SCTR: variants seen among roughly 807,000 people sequenced by gnomAD.
SCTR encodes pancreatic secretin receptor.
A neutral mutation model predicts 60.8 loss-of-function variants in SCTR; 56 were observed. The ratio of observed to expected loss-of-function variants is 0.92; its 90% CI spans 0.74 to 1.15. The LOEUF (loss-of-function observed/expected upper bound fraction) is 1.15. SCTR is among the 50% of genes most tolerant of loss of function. SCTR has a pLI of 0.00. For missense variants in SCTR, 562 were observed against 550.4 expected (o/e 1.02, Z -0.21); for synonymous variants, 202 against 217.0 (o/e 0.93, Z 0.61).
At chr2:119,449,715 C>T (rs765652562) in intron 9 of SCTR, among the ~76,000 whole-genome samples, 30 of 152,238 alleles carry the variant, frequency 2.0e-4, no homozygotes, top group Non-Finnish European at 3.7e-4. Context: ...ATTGTTCACA[C>T]AAGCAGCCTG....
At chr2:119,448,598 G>T in intron 10 of SCTR, 91 bp downstream of exon 10, 1 of 767,482 alleles carries the variant, frequency 1.3e-6, no homozygotes, top group Non-Finnish European at 2.3e-6. Flanking sequence ...CGTTTCCTCC[G>T]TCTCCAATAG....
intron 2 of SCTR, among the ~76,000 whole-genome samples, chr2:119,491,890 TC>T (rs1408313343): frequency 7.9e-5 from 12 of 152,332 alleles, no homozygotes; most frequent in Middle Eastern, 3.4e-3. Context: ...CCCACTGCCA[TC>T]CTTCTCTTCT....
intron 2 of SCTR, among the ~76,000 whole-genome samples, chr2:119,493,374 T>C (rs1414907959): frequency 2.0e-5 from 3 of 152,234 alleles, no homozygotes; most frequent in Non-Finnish European, 4.4e-5. Context: ...TGAACATCCA[T>C]GTACAGATGT....
Position 119,458,822 on chromosome 2 carries a change from C to G in SCTR, c.790+3025G>C, listed in dbSNP as rs536594331. Among the ~76,000 whole-genome samples, 4 of 152,290 alleles carry G rather than the reference C, an allele frequency of 2.6e-5. No homozygotes were observed. The South Asian group carries it at 8.3e-4, about 32-fold the overall frequency. ...AAATGCAGTCTCGGGCCACCCCAGA[C>G]CCACTGCCTCAGAGTCTCTGGGCGG... is the stretch of plus-strand genomic sequence containing the variant. On this transcript the variant is annotated intron_variant, in intron 7 of 12. Coordinates refer to ENST00000019103, the MANE Select transcript of SCTR (RefSeq NM_002980.3).
intron 11 of SCTR, among the ~76,000 whole-genome samples, chr2:119,445,742 A>C (rs934797704): frequency 1.3e-5 from 2 of 151,940 alleles, no homozygotes; most frequent in Non-Finnish European, 2.9e-5. Flanking sequence ...CGTTAGTTTG[A>C]TTTTGTCTTA....
intron 2 of SCTR, among the ~76,000 whole-genome samples, chr2:119,482,886 G>A (rs139984255): frequency 4.2e-4 from 64 of 152,338 alleles, no homozygotes; most frequent in African/African-American, 1.3e-3. Context: ...CTGTGCGGCC[G>A]TCTCAGGGTT....
intron 11 of SCTR, among the ~76,000 whole-genome samples, chr2:119,443,806 C>T (rs950099010): frequency 7.9e-5 from 12 of 152,302 alleles, no homozygotes; most frequent in Admixed American, 2.0e-4. Context: ...CTCGGCCTCC[C>T]GAAGTGCTAG....
chr2:119,483,849 G>C (rs1455624544), intron 2 of SCTR, among the ~76,000 whole-genome samples: 3 of 152,042 alleles, frequency 2.0e-5, no homozygotes, highest in Non-Finnish European at 4.4e-5. Flanking sequence ...GAGCTGGACA[G>C]TCCCTGTGGC....
chr2:119,470,654 C>G (rs1028758380), intron 4 of SCTR, among the ~76,000 whole-genome samples: 1 of 152,152 alleles, frequency 6.6e-6, no homozygotes. Flanking sequence ...GCCCTGGGCT[C>G]CATTATTCGT....
chr2:119,507,620 A>G (rs1678782688), intron 1 of SCTR, among the ~76,000 whole-genome samples: 1 of 151,152 alleles, frequency 6.6e-6, no homozygotes, highest in South Asian at 2.1e-4. Context: ...TATGGGTGTC[A>G]TATATGAAAT....
rs1028367685 is a variant in SCTR at position 119,468,786 on chromosome 2, A to C, written c.406-2900T>G. Reference sequence around the variant, plus strand: ...AAGAGTCACATTAATAAACTGAAGCATTTCCAGAGGAGGGTGATTGTGTCA... The same window carrying C: ...AAGAGTCACATTAATAAACTGAAGCCTTTCCAGAGGAGGGTGATTGTGTCA... On this transcript the variant is annotated intron_variant, in intron 4 of 12. Transcript: ENST00000019103. 5.9e-5 allele frequency among the ~76,000 whole-genome samples: 9 copies of C among 152,196 alleles called. No individual in the cohort carries two copies. The East Asian group carries it at 1.7e-3, about 29-fold the overall frequency.
At chr2:119,465,503 G>T (rs1683794752) in intron 5 of SCTR, among the ~76,000 whole-genome samples, 1 of 152,184 alleles carries the variant, frequency 6.6e-6, no homozygotes, top group Admixed American at 6.5e-5. Context: ...TAGTACTACT[G>T]TAAAATGGGG....
chr2:119,501,266 C>T (rs1678541930), intron 1 of SCTR, among the ~76,000 whole-genome samples: 1 of 152,038 alleles, frequency 6.6e-6, no homozygotes, highest in African/African-American at 2.4e-5. Context: ...AAAAATTAGC[C>T]AGGCTTGGTG....
chr2:119,512,840 G>A (rs894682189), intron 1 of SCTR, among the ~76,000 whole-genome samples: 1 of 152,060 alleles, frequency 6.6e-6, no homozygotes, highest in Non-Finnish European at 1.5e-5. Context: ...CTAGTTTTGT[G>A]GCTCAGGCAT....
intron 3 of SCTR, among the ~76,000 whole-genome samples, chr2:119,475,150 A>G (rs572466445): frequency 1.3e-5 from 2 of 152,254 alleles, no homozygotes; most frequent in South Asian, 4.2e-4. Flanking sequence ...AGGGGCTTGG[A>G]ATCTTGGAAT....
At chr2:119,495,721 C>T (rs1355627401) in intron 1 of SCTR, among the ~76,000 whole-genome samples, 3 of 152,156 alleles carry the variant, frequency 2.0e-5, no homozygotes, top group Non-Finnish European at 2.9e-5. Context: ...AAAGGATCTA[C>T]CAGCTGCAGC....
chr2:119,484,207 C>A (rs1677762500), intron 2 of SCTR, among the ~76,000 whole-genome samples: 2 of 152,152 alleles, frequency 1.3e-5, no homozygotes, highest in South Asian at 4.1e-4. Flanking sequence ...GTCACCGCCC[C>A]AGGAGAGCCA....
At chr2:119,499,639 G>A (rs2587676) in intron 1 of SCTR, among the ~76,000 whole-genome samples, 1 of 152,046 alleles carries the variant, frequency 6.6e-6, no homozygotes, top group African/African-American at 2.4e-5. Context: ...TATTGAAAAT[G>A]AATCAATGTA....
At chr2:119,478,693 C>T (rs1445414631) in intron 3 of SCTR, 118 bp downstream of exon 3, 2 of 819,214 alleles carry the variant, frequency 2.4e-6, no homozygotes, top group Admixed American at 5.1e-5. Flanking sequence ...TCTCCCCCAT[C>T]ATTGTACCCA....
Sources: allele counts gnomAD v4.1 joint callset (sites outside exome capture counted in the v4.1 genomes callset), GRCh38; gene constraint gnomAD v4.1.1; transcripts MANE v1.5; gene names NCBI Gene and HGNC (gene_info 2026-07-23, HGNC 2026-07-21).